Variants in RBFOX1 observed in about 807,000 individuals in gnomAD.
The protein encoded by RBFOX1 is RNA binding fox-1 homolog 1.
In RBFOX1, 8 loss-of-function variants were observed where a neutral mutation model predicts 57.7. The observed-to-expected ratio is 0.14, with a 90% CI of 0.08 to 0.25. The LOEUF (loss-of-function observed/expected upper bound fraction) is 0.25. RBFOX1 is among the 10% of genes least tolerant of loss of function. The pLI, the probability that RBFOX1 is intolerant of heterozygous loss-of-function variation, is 1.00. For synonymous variants in RBFOX1, 326 were observed against 222.4 expected, an observed-to-expected ratio of 1.47 and a Z score of -4.15; for missense variants, 611 against 548.5, an observed-to-expected ratio of 1.11 and a Z score of -1.14.
At chr16:6,674,895 G>C (rs765480536) in intron 3 of RBFOX1, among the ~76,000 whole-genome samples, 18 of 151,888 alleles carry the variant, frequency 1.2e-4, no homozygotes, top group African/African-American at 3.1e-4. Flanking sequence ...TTGTTTGTTT[G>C]GTGGTTTTTT....
chr16:5,467,542 A>C (rs755016724), intron 2 of RBFOX1, among the ~76,000 whole-genome samples: 1 of 152,178 alleles, frequency 6.6e-6, no homozygotes, highest in South Asian at 2.1e-4. Flanking sequence ...TATTGGGAAC[A>C]ATGAGGGTGC....
chr16:7,338,310 A>G (rs1207006499), intron 4 of RBFOX1, among the ~76,000 whole-genome samples: 6 of 149,904 alleles, frequency 4.0e-5, no homozygotes, highest in Admixed American at 2.0e-4. Context: ...TAAACTTTCT[A>G]TAGCTAGACA....
chr16:6,031,611 G>T (rs2152388610), intron 1 of RBFOX1, among the ~76,000 whole-genome samples: 1 of 152,284 alleles, frequency 6.6e-6, no homozygotes, highest in Admixed American at 6.5e-5. Flanking sequence ...GTGCATTTTT[G>T]TGTACATTTC....
intron 3 of RBFOX1, among the ~76,000 whole-genome samples, chr16:5,848,977 CA>C (rs111633901): frequency 4.0e-5 from 6 of 149,844 alleles, no homozygotes; most frequent in East Asian, 2.0e-4. Context: ...AAAACAACAA[CA>C]AAAAAAAACA....
chr16:5,999,188 A>G (rs1367718172), intron 4 of RBFOX1, among the ~76,000 whole-genome samples: 1 of 152,142 alleles, frequency 6.6e-6, no homozygotes, highest in Non-Finnish European at 1.5e-5. Context: ...GCCTCCTGCC[A>G]ACACTGCCTT....
rs143966721 is a variant in RBFOX1, at chr16:6,886,565, C to G, written c.-15-165492C>G. ...TTCAGGAGTTTGAGACTAGCCTGGT[C>G]TACATGGTGAAACCATGTCTCTACT... On this transcript the variant is annotated intron_variant, in intron 3 of 15. Coordinates refer to ENST00000550418, the MANE Select transcript of RBFOX1 (RefSeq NM_018723.4). 2.9e-3 allele frequency among the ~76,000 whole-genome samples: 435 copies of G among 151,974 alleles called. 1 individual carries two copies. Among genetic ancestry groups the G allele is most frequent in the Middle Eastern group, 0.014 (4 of 294 alleles).
chr16:5,961,446 G>T (rs1375162626), intron 4 of RBFOX1, among the ~76,000 whole-genome samples: 1 of 151,604 alleles, frequency 6.6e-6, no homozygotes, highest in Non-Finnish European at 1.5e-5. Flanking sequence ...TATTTGTTTG[G>T]CTTATTAGGT....
intron 2 of RBFOX1, among the ~76,000 whole-genome samples, chr16:5,571,778 C>T (rs554852249): frequency 7.2e-5 from 11 of 152,340 alleles, no homozygotes; most frequent in African/African-American, 2.6e-4. Flanking sequence ...AGCTCAGGGT[C>T]CTTGTTCACT....
At chr16:6,137,784 T>A (rs1282349497) in intron 1 of RBFOX1, among the ~76,000 whole-genome samples, 1 of 151,916 alleles carries the variant, frequency 6.6e-6, no homozygotes, top group Non-Finnish European at 1.5e-5. Context: ...ATTTTTAAAA[T>A]TTTTTGTAGA....
intron 1 of RBFOX1, among the ~76,000 whole-genome samples, chr16:5,373,348 C>G (rs931299127): frequency 2.6e-5 from 4 of 152,080 alleles, no homozygotes; most frequent in African/African-American, 9.7e-5. Flanking sequence ...AGGAGGGACC[C>G]GGTGGGAGGT....
chr16:6,180,841 C>G (rs1386666567), intron 1 of RBFOX1, among the ~76,000 whole-genome samples: 2 of 152,156 alleles, frequency 1.3e-5, no homozygotes, highest in African/African-American at 2.4e-5. Flanking sequence ...GCTGGGATTA[C>G]AGGTGTGAGC....
At chr16:6,545,128 T>C (rs1352499566) in intron 2 of RBFOX1, among the ~76,000 whole-genome samples, 1 of 152,186 alleles carries the variant, frequency 6.6e-6, no homozygotes, top group Non-Finnish European at 1.5e-5. Flanking sequence ...AAAATCCGCG[T>C]ACTTTTTCCC....
chr16:7,272,315 G>C (rs763602432), intron 4 of RBFOX1, among the ~76,000 whole-genome samples: 9 of 151,298 alleles, frequency 5.9e-5, no homozygotes, highest in Non-Finnish European at 1.0e-4. Context: ...CTCCCAAGTA[G>C]CTGGGATTAC....
intron 2 of RBFOX1, among the ~76,000 whole-genome samples, chr16:6,507,077 C>T (rs1247493842): frequency 2.0e-5 from 3 of 152,138 alleles, no homozygotes; most frequent in East Asian, 1.9e-4. Flanking sequence ...TCAAATCCTA[C>T]CTCCAAGGTA....
At chr16:6,098,282 C>G (rs112003875) in intron 1 of RBFOX1, among the ~76,000 whole-genome samples, 7 of 152,292 alleles carry the variant, frequency 4.6e-5, no homozygotes, top group African/African-American at 1.7e-4. Context: ...CCCAAGGTCA[C>G]CTGGCAAGTC....
chr16:5,508,971 A>T (rs1376165524), intron 2 of RBFOX1, among the ~76,000 whole-genome samples: 1 of 152,134 alleles, frequency 6.6e-6, no homozygotes, highest in Non-Finnish European at 1.5e-5. Context: ...CAAGCAGTGG[A>T]TGTACTTAAA....
chr16:5,991,309 G>A (rs1050939607), intron 4 of RBFOX1, among the ~76,000 whole-genome samples: 1 of 152,138 alleles, frequency 6.6e-6, no homozygotes, highest in African/African-American at 2.4e-5. Context: ...CGTCTCCCAG[G>A]TCTGATTGCA....
At chr16:6,625,880 C>T (rs892151287) in intron 2 of RBFOX1, among the ~76,000 whole-genome samples, 53 of 152,188 alleles carry the variant, frequency 3.5e-4, no homozygotes, top group African/African-American at 1.3e-3. Flanking sequence ...GGGATTCTTA[C>T]ATTGGCTCCA....
At chr16:5,625,207 G>T (rs1393642906) in intron 3 of RBFOX1, among the ~76,000 whole-genome samples, 1 of 151,312 alleles carries the variant, frequency 6.6e-6, no homozygotes, top group Non-Finnish European at 1.5e-5. Flanking sequence ...CCCAGAACAG[G>T]GCAGGATATT....
Sources: allele counts gnomAD v4.1 joint callset (sites outside exome capture counted in the v4.1 genomes callset), GRCh38; gene constraint gnomAD v4.1.1; transcripts MANE v1.5; gene names NCBI Gene and HGNC (gene_info 2026-07-23, HGNC 2026-07-21).